Variants in ARSG observed in about 807,000 individuals in gnomAD.
ARSG encodes arylsulfatase G.
A neutral mutation model predicts 50.5 loss-of-function variants in ARSG; 37 were observed. The observed-to-expected ratio is 0.73, with a 90% CI of 0.56 to 0.96. ARSG has a LOEUF of 0.96. Ranked by LOEUF, ARSG falls within the 50% of genes least tolerant of loss-of-function variation. ARSG has a pLI of 0.00. For missense variants in ARSG, 629 were observed against 675.3 expected, an observed-to-expected ratio of 0.93 and a Z score of 0.76; for synonymous variants, 225 against 254.6, an observed-to-expected ratio of 0.88 and a Z score of 1.11.
chr17:68,419,712 C>T (rs2082633116), intron 11 of ARSG, among the ~76,000 whole-genome samples: 1 of 151,774 alleles, frequency 6.6e-6, no homozygotes, highest in Non-Finnish European at 1.5e-5. Context: ...ATAATCCCAG[C>T]ATTTTGGGAG....
rs182187370 is a variant in ARSG, at chr17:68,264,892, G to A, written c.-552+5466G>A. Among the ~76,000 whole-genome samples, 1,506 of 151,658 alleles carry A rather than the reference G, an allele frequency of 9.9e-3. 6 individuals are homozygous for A. Among genetic ancestry groups the A allele is most frequent in the Non-Finnish European group, 0.017 (1,145 of 67,896 alleles). On this transcript the variant is annotated intron_variant, in intron 1 of 11. Transcript: ENST00000448504. ...TTAGCGGCCTGGTGTGGTGGCTCAC[G>A]CCTGTAATCCCAACACTTTGGGAGG...
chr17:68,392,378 A>C (rs567057261), intron 9 of ARSG, among the ~76,000 whole-genome samples: 3 of 152,372 alleles, frequency 2.0e-5, no homozygotes, highest in African/African-American at 7.2e-5. Context: ...AAGTCACATG[A>C]ACAAAATCCA....
chr17:68,355,733 C>T (rs1055168007), intron 5 of ARSG, among the ~76,000 whole-genome samples: 4 of 151,058 alleles, frequency 2.6e-5, no homozygotes, highest in African/African-American at 7.3e-5. Flanking sequence ...TGAGCCACGG[C>T]GTCTGGCCAT....
intron 8 of ARSG, among the ~76,000 whole-genome samples, chr17:68,371,463 T>C (rs1479900151): frequency 6.6e-6 from 1 of 152,200 alleles, no homozygotes; most frequent in Non-Finnish European, 1.5e-5. Context: ...TTCTCACAGC[T>C]GCCTCTGTCT....
At chr17:68,417,468 C>T (rs536579281) in intron 11 of ARSG, among the ~76,000 whole-genome samples, 3 of 152,072 alleles carry the variant, frequency 2.0e-5, no homozygotes, top group African/African-American at 4.8e-5. Context: ...TTTTGGGTGC[C>T]GCGGTGGGGG....
intron 2 of ARSG, among the ~76,000 whole-genome samples, chr17:68,322,373 A>G (rs1417111525): frequency 2.6e-5 from 4 of 152,220 alleles, no homozygotes; most frequent in Non-Finnish European, 5.9e-5. Context: ...TCATGCCTAT[A>G]ATCCCAGCAC....
At chr17:68,325,787 T>C (rs2077481242) in intron 2 of ARSG, among the ~76,000 whole-genome samples, 1 of 152,212 alleles carries the variant, frequency 6.6e-6, no homozygotes, top group Non-Finnish European at 1.5e-5. Flanking sequence ...TAGCTTGATA[T>C]TCCAGAGGGG....
the ARSG span, among the ~76,000 whole-genome samples, chr17:68,451,309 C>A: frequency 6.6e-6 from 1 of 152,128 alleles, no homozygotes; most frequent in Non-Finnish European, 1.5e-5. Flanking sequence ...TGGTGCACAC[C>A]TGTAATCTCA....
rs769238862 is a variant in ARSG, at chr17:68,420,201, C to G, written c.1316C>G (p.Ala439Gly). The stretch of plus-strand genomic sequence containing the variant: ...ATTCCCTCTCTAGGTGGAGCCAGGG[C>G]GTGTGATGGGAGCACGGGGCCTGAG... ...KAFYITGGAR[A>G]CDGSTGPELQ... The change falls in exon 12 of 12, where the codon GCG becomes GGG. Residue 439 changes from alanine (A) to glycine (G), a missense_variant. Ala to Gly is a moderately conservative substitution (Grantham distance 60). Coordinates refer to ENST00000621439, the MANE Select transcript of ARSG (RefSeq NM_001267727.2). The G allele has an allele frequency of 1.9e-6, 3 of 1,613,918 alleles. No homozygotes were observed. The highest frequency in any genetic ancestry group is 2.5e-6 in the Non-Finnish European group (3 of 1,179,968).
chr17:68,450,694 A>C, the ARSG span: 16 of 1,574,266 alleles, frequency 1.0e-5, no homozygotes, highest in South Asian at 1.9e-4. Context: ...CCGTTAGCAG[A>C]AGCTTTGAAA....
At chr17:68,419,232 T>G (rs1568606877) in intron 11 of ARSG, among the ~76,000 whole-genome samples, 1 of 152,110 alleles carries the variant, frequency 6.6e-6, no homozygotes, top group East Asian at 1.9e-4. Flanking sequence ...AAAATCAAAT[T>G]TACTCCTAAA....
chr17:68,318,142 A>G (rs2077143967), intron 2 of ARSG, among the ~76,000 whole-genome samples: 1 of 152,100 alleles, frequency 6.6e-6, no homozygotes, highest in South Asian at 2.1e-4. Context: ...GATGAAAGCA[A>G]CTTGCATTAC....
chr17:68,431,864 T>C, the ARSG span, among the ~76,000 whole-genome samples: 1 of 151,258 alleles, frequency 6.6e-6, no homozygotes, highest in African/African-American at 2.5e-5. Flanking sequence ...GGAAAATCAA[T>C]CTCTGATAAT....
At chr17:68,389,848 C>T (rs778328636) in intron 9 of ARSG, among the ~76,000 whole-genome samples, 21 of 152,128 alleles carry the variant, frequency 1.4e-4, no homozygotes, top group Non-Finnish European at 2.9e-4. Context: ...CCCAGCACAG[C>T]ACCTCAGTTC....
chr17:68,368,448 G>C, intron 6 of ARSG, 100 bp from the exon 7 acceptor site: 2 of 1,100,170 alleles, frequency 1.8e-6, no homozygotes, highest in Non-Finnish European at 1.3e-6. Context: ...GGGGCAGAAG[G>C]AGCTTTGGGG....
chr17:68,433,699 C>A, the ARSG span: 1 of 548,572 alleles, frequency 1.8e-6, no homozygotes, highest in Admixed American at 2.8e-5. Flanking sequence ...ACCCAGATCC[C>A]TTAAACACTG....
At chr17:68,318,845 G>A (rs575959233) in intron 2 of ARSG, among the ~76,000 whole-genome samples, 1 of 152,282 alleles carries the variant, frequency 6.6e-6, no homozygotes, top group African/African-American at 2.4e-5. Context: ...CCAGGGACTT[G>A]AGGCTGTTTC....
chr17:68,297,129 A>G (rs1402288391), intron 1 of ARSG, among the ~76,000 whole-genome samples: 1 of 152,122 alleles, frequency 6.6e-6, no homozygotes, highest in African/African-American at 2.4e-5. Context: ...TTGAGCACCT[A>G]GCTAGCCAAG....
At chr17:68,272,882 G>T in intron 1 of ARSG, 1 of 1,262,110 alleles carries the variant, frequency 7.9e-7, no homozygotes. Flanking sequence ...AGTTCTAGGA[G>T]CCAAGTAATT....
Sources: allele counts gnomAD v4.1 joint callset (sites outside exome capture counted in the v4.1 genomes callset), GRCh38; gene constraint gnomAD v4.1.1; transcripts MANE v1.5; gene names NCBI Gene and HGNC (gene_info 2026-07-23, HGNC 2026-07-21).